The following TTLL1 variants were observed in gnomAD, a reference collection of about 807,000 sequenced individuals.
The protein encoded by TTLL1 is TTL family tubulin polyglutamylase complex subunit L1.
Under a neutral mutation model 47.8 loss-of-function variants are expected in TTLL1, and 33 were observed. That is an observed-to-expected ratio of 0.69 (90% confidence interval 0.52 to 0.92). The LOEUF (loss-of-function observed/expected upper bound fraction) is 0.92. Ranked by LOEUF, TTLL1 falls within the 40% of genes least tolerant of loss-of-function variation. The pLI, the probability that TTLL1 is intolerant of heterozygous loss-of-function variation, is 0.00. For synonymous variants in TTLL1, 225 were observed against 214.1 expected, an observed-to-expected ratio of 1.05 and a Z score of -0.45; for missense variants, 488 against 547.5, an observed-to-expected ratio of 0.89 and a Z score of 1.08.
chr22:43,042,191 G>A (rs530827618), intron 10 of TTLL1, among the ~76,000 whole-genome samples: 1 of 152,334 alleles, frequency 6.6e-6, no homozygotes, highest in East Asian at 1.9e-4. Flanking sequence ...AAGGTCTGGT[G>A]GATAGGAATC....
At chr22:43,058,179 C>T (rs1213052457) in intron 8 of TTLL1, among the ~76,000 whole-genome samples, 3 of 152,030 alleles carry the variant, frequency 2.0e-5, no homozygotes, top group East Asian at 3.9e-4. Flanking sequence ...CTCCTGACCT[C>T]GTGATCTGCG....
At chr22:43,041,022 C>T (rs527536070) in intron 10 of TTLL1, among the ~76,000 whole-genome samples, 76 of 152,254 alleles carry the variant, frequency 5.0e-4, no homozygotes, top group Admixed American at 4.4e-3. Flanking sequence ...GGAATGGGGC[C>T]GCCCCCCTCC....
intron 7 of TTLL1, among the ~76,000 whole-genome samples, chr22:43,059,984 C>T (rs933676586): frequency 6.6e-6 from 1 of 152,124 alleles, no homozygotes; most frequent in African/African-American, 2.4e-5. Context: ...GCCACTGTGC[C>T]CGGCCACCTG....
chr22:43,088,138 C>G (rs577121222), intron 1 of TTLL1, among the ~76,000 whole-genome samples: 1 of 151,452 alleles, frequency 6.6e-6, no homozygotes, highest in Non-Finnish European at 1.5e-5. Flanking sequence ...AGCAAGACTC[C>G]GTCTAAAAAT....
At position 43,052,097 on chromosome 22, in the gene TTLL1, T is replaced by C. The variant is rs1415932945; in HGVS notation, c.892-210A>G. ...CTTTCCTCAGCCTGATAGAGGGAATTGATGAAGCCGTAATGGGCATCTCTG... is the reference window on the plus strand; with the variant it reads ...CTTTCCTCAGCCTGATAGAGGGAATCGATGAAGCCGTAATGGGCATCTCTG... On this transcript the variant is annotated intron_variant, in intron 8 of 10. Transcript: ENST00000266254. 7.2e-5 allele frequency: 41 copies of C among 571,646 alleles called. No individual in the cohort carries two copies. In the South Asian group the frequency reaches 7.6e-4, roughly 11 times the overall value. The allele number at this position is 571,646 out of a possible 1,614,324, so 35.4% of individuals were successfully genotyped here. A position where few individuals can be genotyped will look rare whatever the true frequency, so the allele number is the denominator to read the frequency against.
In TTLL1 at chr22:43,079,552, C is replaced by T. The variant is rs963320936; in HGVS notation, c.-5+350G>A. ...TTGCGGCCTGGGGACCACCCCCCAA[C>T]CACCGCCGTCCAGGCTGCATGGTTC... On this transcript the variant is annotated intron_variant, in intron 2 of 10. Coordinates refer to ENST00000266254, the MANE Select transcript of TTLL1 (RefSeq NM_012263.5). Among the ~76,000 whole-genome samples, 4 of 152,240 alleles carry T rather than the reference C, an allele frequency of 2.6e-5. No homozygotes were observed. The South Asian group carries it at 6.2e-4, about 24-fold the overall frequency.
At chr22:43,081,488 C>T (rs944155158) in intron 1 of TTLL1, among the ~76,000 whole-genome samples, 1 of 152,120 alleles carries the variant, frequency 6.6e-6, no homozygotes, top group African/African-American at 2.4e-5. Flanking sequence ...CAAGTACATG[C>T]AGCAGAAAGA....
At chr22:43,061,031 A>G (rs1051992503) in intron 7 of TTLL1, among the ~76,000 whole-genome samples, 1 of 152,028 alleles carries the variant, frequency 6.6e-6, no homozygotes, top group Non-Finnish European at 1.5e-5. Context: ...CCTCGTCTCT[A>G]CTAAAAACCC....
intron 1 of TTLL1, among the ~76,000 whole-genome samples, chr22:43,081,738 G>C (rs532180145): frequency 6.6e-6 from 1 of 151,530 alleles, no homozygotes; most frequent in Non-Finnish European, 1.5e-5. Context: ...ACTAGAGATG[G>C]GGGTTTCACC....
chr22:43,085,712 C>G (rs1460020336), intron 1 of TTLL1, among the ~76,000 whole-genome samples: 2 of 152,152 alleles, frequency 1.3e-5, no homozygotes, highest in Non-Finnish European at 2.9e-5. Context: ...ACTAATACAG[C>G]AGGAATTCTC....
chr22:43,058,913 G>C (rs771077415), intron 8 of TTLL1, among the ~76,000 whole-genome samples: 8 of 152,100 alleles, frequency 5.3e-5, no homozygotes, highest in Non-Finnish European at 1.0e-4. Context: ...GGCTGGTCTT[G>C]AACTTCTGAC....
intron 3 of TTLL1, chr22:43,070,219 C>A: frequency 1.5e-6 from 2 of 1,326,220 alleles, no homozygotes; most frequent in East Asian, 1.0e-4. Context: ...GGATCTGTAC[C>A]GAAATTCAGG....
At chr22:43,087,391 G>C (rs928113687) in intron 1 of TTLL1, among the ~76,000 whole-genome samples, 1 of 151,700 alleles carries the variant, frequency 6.6e-6, no homozygotes, top group Non-Finnish European at 1.5e-5. Context: ...GCGCGTGGTG[G>C]TGCACATCTG....
chr22:43,051,327 T>G (rs913539565), intron 9 of TTLL1, among the ~76,000 whole-genome samples: 1 of 152,240 alleles, frequency 6.6e-6, no homozygotes, highest in African/African-American at 2.4e-5. Context: ...CTCCACCCAC[T>G]GAAAGAGGCA....
At chr22:43,081,344 C>T (rs775091613) in intron 1 of TTLL1, among the ~76,000 whole-genome samples, 10 of 152,190 alleles carry the variant, frequency 6.6e-5, no homozygotes, top group African/African-American at 1.4e-4. Context: ...CAGTGCATGA[C>T]GGAGGGAGTG....
chr22:43,084,463 T>C (rs758612768), intron 1 of TTLL1, among the ~76,000 whole-genome samples: 3 of 151,676 alleles, frequency 2.0e-5, no homozygotes, highest in Non-Finnish European at 4.4e-5. Context: ...TGACACCTTT[T>C]TCCTTCTTTC....
intron 3 of TTLL1, among the ~76,000 whole-genome samples, chr22:43,071,898 C>T (rs777416588): frequency 6.6e-6 from 1 of 152,238 alleles, no homozygotes; most frequent in African/African-American, 2.4e-5. Context: ...AAGGTGGGCA[C>T]AGCTGCACTG....
chr22:43,053,586 C>T (rs1926795235), intron 8 of TTLL1, among the ~76,000 whole-genome samples: 1 of 152,188 alleles, frequency 6.6e-6, no homozygotes, highest in East Asian at 1.9e-4. Flanking sequence ...GGTTTGGGTT[C>T]CTCGGGGGGT....
intron 2 of TTLL1, among the ~76,000 whole-genome samples, chr22:43,076,417 C>G (rs765113053): frequency 6.6e-6 from 1 of 152,040 alleles, no homozygotes; most frequent in Admixed American, 6.6e-5. Flanking sequence ...GATCGCACTA[C>G]TGCCCTCCAG....
Sources: allele counts gnomAD v4.1 joint callset (sites outside exome capture counted in the v4.1 genomes callset), GRCh38; gene constraint gnomAD v4.1.1; transcripts MANE v1.5; gene names NCBI Gene and HGNC (gene_info 2026-07-23, HGNC 2026-07-21).